The following ZNF385D variants were observed in gnomAD, a reference collection of about 807,000 sequenced individuals.
ZNF385D encodes the protein zinc finger protein 659.
Under a neutral mutation model 35.8 loss-of-function variants are expected in ZNF385D, and 15 were observed. The ratio of observed to expected loss-of-function variants is 0.42; its 90% confidence interval spans 0.28 to 0.64. ZNF385D has a LOEUF of 0.64. Ranked by LOEUF, ZNF385D falls within the 30% of genes least tolerant of loss-of-function variation. The probability of loss-of-function intolerance (pLI) is 0.23; values close to 1 mark genes in which losing one functional copy is unlikely to be tolerated. For synonymous variants in ZNF385D, 212 were observed against 186.8 expected, an observed-to-expected ratio of 1.13 and a Z score of -1.10; for missense variants, 474 against 494.6, an observed-to-expected ratio of 0.96 and a Z score of 0.39.
intron 4 of ZNF385D, among the ~76,000 whole-genome samples, chr3:21,482,203 A>G (rs1704676563): frequency 6.6e-6 from 1 of 152,142 alleles, no homozygotes; most frequent in African/African-American, 2.4e-5. Context: ...GGACATTCAC[A>G]TGGTTGACTC....
chr3:22,233,791 C>T (rs1699027939), intron 2 of ZNF385D, among the ~76,000 whole-genome samples: 1 of 152,060 alleles, frequency 6.6e-6, no homozygotes, highest in African/African-American at 2.4e-5. Flanking sequence ...AACATTCCTT[C>T]TGTATCTCCT....
chr3:21,548,841 T>G (rs1283193054), intron 3 of ZNF385D, among the ~76,000 whole-genome samples: 1 of 152,202 alleles, frequency 6.6e-6, no homozygotes, highest in African/African-American at 2.4e-5. Flanking sequence ...GGAGCCCTAT[T>G]TCTTGTCCAC....
At chr3:22,095,270 C>A (rs908901619) in intron 3 of ZNF385D, among the ~76,000 whole-genome samples, 1 of 151,650 alleles carries the variant, frequency 6.6e-6, no homozygotes, top group Non-Finnish European at 1.5e-5. Flanking sequence ...CAGTATAAAT[C>A]GTTTTATATT....
At chr3:21,800,282 G>A (rs1484904665) in intron 3 of ZNF385D, among the ~76,000 whole-genome samples, 1 of 152,120 alleles carries the variant, frequency 6.6e-6, no homozygotes, top group Non-Finnish European at 1.5e-5. Context: ...CACAAAAAAT[G>A]TTTATTGGGC....
chr3:22,269,006 T>G (rs1576590920), intron 2 of ZNF385D, among the ~76,000 whole-genome samples: 2 of 152,082 alleles, frequency 1.3e-5, no homozygotes, highest in East Asian at 3.9e-4. Context: ...AAAGTTCATT[T>G]TCATACACAA....
chr3:21,654,181 T>G (rs2066004831), intron 2 of ZNF385D, among the ~76,000 whole-genome samples: 1 of 152,096 alleles, frequency 6.6e-6, no homozygotes, highest in African/African-American at 2.4e-5. Flanking sequence ...ATTTTTTATT[T>G]GAGTCCCTTA....
intron 4 of ZNF385D, among the ~76,000 whole-genome samples, chr3:21,489,732 G>A (rs150112842): frequency 6.6e-6 from 1 of 152,170 alleles, no homozygotes; most frequent in African/African-American, 2.4e-5. Flanking sequence ...CCCATCCTGT[G>A]CTACAGGTTG....
intron 4 of ZNF385D, among the ~76,000 whole-genome samples, chr3:21,477,908 A>G (rs7644446): frequency 0.53 from 81,142 of 151,962 alleles, 22,105 homozygotes; most frequent in East Asian, 0.88. Context: ...TCTAATAAAA[A>G]GAACAAATGT....
chr3:21,825,867 C>A (rs1356398196), intron 3 of ZNF385D, among the ~76,000 whole-genome samples: 1 of 152,174 alleles, frequency 6.6e-6, no homozygotes, highest in Non-Finnish European at 1.5e-5. Flanking sequence ...GCCGGGAAAG[C>A]CAAAGGTTAC....
intron 2 of ZNF385D, among the ~76,000 whole-genome samples, chr3:22,305,820 C>A (rs189196410): frequency 6.6e-6 from 1 of 152,142 alleles, no homozygotes; most frequent in Non-Finnish European, 1.5e-5. Flanking sequence ...CAGTTATATT[C>A]TCTTAAATGT....
intron 2 of ZNF385D, among the ~76,000 whole-genome samples, chr3:22,281,317 T>TCCCCA (rs1701726722): frequency 6.6e-6 from 1 of 152,098 alleles, no homozygotes; most frequent in Non-Finnish European, 1.5e-5. Flanking sequence ...TTGATCCAGT[T>TCCCCA]CTTAAAGGGA....
At chr3:22,229,939 A>T (rs982131597) in intron 2 of ZNF385D, among the ~76,000 whole-genome samples, 2 of 152,180 alleles carry the variant, frequency 1.3e-5, no homozygotes, top group South Asian at 2.1e-4. Context: ...TGTAGCGCAT[A>T]ATCCACTTTT....
At chr3:22,131,234 G>A (rs1379922071) in intron 3 of ZNF385D, among the ~76,000 whole-genome samples, 20 of 152,136 alleles carry the variant, frequency 1.3e-4, no homozygotes, top group Admixed American at 1.3e-3. Flanking sequence ...ATGTGGTCAG[G>A]AAGACTGGCA....
At chr3:22,190,360 T>C (rs992732350) in intron 2 of ZNF385D, among the ~76,000 whole-genome samples, 1 of 152,162 alleles carries the variant, frequency 6.6e-6, no homozygotes, top group South Asian at 2.1e-4. Context: ...TTACAAGAGA[T>C]AGTAAATAGG....
chr3:21,888,166 C>T (rs1250186893), intron 3 of ZNF385D, among the ~76,000 whole-genome samples: 2 of 151,610 alleles, frequency 1.3e-5, no homozygotes, highest in African/African-American at 4.8e-5. Context: ...AATTTTGTAT[C>T]AAGTATAACA....
intron 2 of ZNF385D, among the ~76,000 whole-genome samples, chr3:22,283,874 A>G (rs1405835941): frequency 5.9e-5 from 9 of 152,202 alleles, no homozygotes; most frequent in Non-Finnish European, 1.2e-4. Context: ...CTTAACAGGA[A>G]TAATGCATTT....
At chr3:21,841,690 A>G (rs1209014172) in intron 3 of ZNF385D, among the ~76,000 whole-genome samples, 1 of 151,998 alleles carries the variant, frequency 6.6e-6, no homozygotes, top group Non-Finnish European at 1.5e-5. Context: ...AAACACAAGT[A>G]TAAGTATGCA....
chr3:21,758,366 T>TA (rs2070441690), intron 3 of ZNF385D, among the ~76,000 whole-genome samples: 1 of 152,186 alleles, frequency 6.6e-6, no homozygotes, highest in Non-Finnish European at 1.5e-5. Context: ...AGACATTGCC[T>TA]ATGATTTAGG....
rs139246582 is a variant in ZNF385D, at chr3:22,225,055, T to C, written c.107-56020A>G. ...ATCTCTAATTATATTAACAATGCAA[T>C]ATTTGCAATTACAGATAAAATTATG... On this transcript the variant is annotated intron_variant, in intron 2 of 5. Transcript: ENST00000494108. Among the ~76,000 whole-genome samples, 172 of 152,310 alleles carry C rather than the reference T, an allele frequency of 1.1e-3. 1 individual carries two copies. The highest frequency in any genetic ancestry group is 3.8e-3 in the African/African-American group (159 of 41,560).
Sources: allele counts gnomAD v4.1 joint callset (sites outside exome capture counted in the v4.1 genomes callset), GRCh38; gene constraint gnomAD v4.1.1; transcripts MANE v1.5; gene names NCBI Gene and HGNC (gene_info 2026-07-23, HGNC 2026-07-21).